Variants in KSR2 observed in about 807,000 individuals in gnomAD.
KSR2 encodes kinase suppressor of ras 2.
A neutral mutation model predicts 107.8 loss-of-function variants in KSR2; 25 were observed. The ratio of observed to expected loss-of-function variants is 0.23; its 90% CI spans 0.17 to 0.32. The LOEUF is 0.32. Ranked by LOEUF, KSR2 falls within the 10% of genes least tolerant of loss-of-function variation. The pLI is 1.00. For missense variants in KSR2, 887 were observed against 1,268.9 expected, an observed-to-expected ratio of 0.70 and a Z score of 4.57; for synonymous variants, 480 against 507.0, an observed-to-expected ratio of 0.95 and a Z score of 0.71.
At chr12:117,618,790 A>C (rs933185628) in intron 5 of KSR2, among the ~76,000 whole-genome samples, 1 of 152,146 alleles carries the variant, frequency 6.6e-6, no homozygotes, top group Non-Finnish European at 1.5e-5. Context: ...CCCCAGCCAC[A>C]TGGAACTATG....
At chr12:117,893,764 T>C (rs1340937928) in intron 1 of KSR2, among the ~76,000 whole-genome samples, 2 of 152,170 alleles carry the variant, frequency 1.3e-5, no homozygotes, top group African/African-American at 4.8e-5. Context: ...AGGCCAAGAA[T>C]ACGGTAAGGA....
chr12:117,613,677 C>T (rs1285468630), intron 5 of KSR2, among the ~76,000 whole-genome samples: 2 of 152,212 alleles, frequency 1.3e-5, no homozygotes, highest in Admixed American at 1.3e-4. Context: ...GATCCATTTT[C>T]TCTCCCTTCC....
rs1593414972 is a variant in KSR2 at position 117,968,294 on chromosome 12, A to T, written c.-39T>A. The T allele has an allele frequency of 1.3e-6, 1 of 790,298 alleles. No individual in the cohort carries two copies. The highest frequency in any genetic ancestry group is 1.7e-6 in the Non-Finnish European group (1 of 604,324). The allele number at this position is 790,298 out of a possible 1,614,324, so 49.0% of individuals were successfully genotyped here. A position where few individuals can be genotyped will look rare whatever the true frequency, so the allele number is the denominator to read the frequency against. ...ACCCCCTTCCCCTCCTCCTCCTCCCAGAGAGAAAAAAGAGGGGGGGGAGTA... is the reference window on the plus strand; with the variant it reads ...ACCCCCTTCCCCTCCTCCTCCTCCCTGAGAGAAAAAAGAGGGGGGGGAGTA... On this transcript the variant is annotated 5_prime_UTR_variant, in exon 1 of 20. Coordinates refer to ENST00000339824, the MANE Select transcript of KSR2 (RefSeq NM_173598.6).
chr12:117,892,787 CA>C (rs35897528), intron 1 of KSR2, among the ~76,000 whole-genome samples: 9,708 of 86,942 alleles, frequency 0.11, 156 homozygotes, highest in Non-Finnish European at 0.13. Context: ...GTGCTATGTG[CA>C]AAAAAAAAAA....
chr12:117,742,258 G>A (rs1367251446), intron 4 of KSR2, among the ~76,000 whole-genome samples: 5 of 152,144 alleles, frequency 3.3e-5, no homozygotes, highest in East Asian at 1.9e-4. Context: ...TGCATGATGC[G>A]GATTTTTCTT....
At chr12:117,786,100 G>A (rs948760852) in intron 3 of KSR2, among the ~76,000 whole-genome samples, 1 of 151,578 alleles carries the variant, frequency 6.6e-6, no homozygotes, top group Admixed American at 6.6e-5. Flanking sequence ...ATAGATAAAA[G>A]GACAACAACT....
At chr12:117,470,955 G>A (rs967299577) in intron 18 of KSR2, among the ~76,000 whole-genome samples, 1 of 152,198 alleles carries the variant, frequency 6.6e-6, no homozygotes, top group Non-Finnish European at 1.5e-5. Flanking sequence ...CCACAGTTAG[G>A]AAAAACCTGA....
chr12:117,675,477 C>A (rs915438739), intron 4 of KSR2, among the ~76,000 whole-genome samples: 1 of 152,344 alleles, frequency 6.6e-6, no homozygotes, highest in Non-Finnish European at 1.5e-5. Flanking sequence ...CTGACAATTT[C>A]TTTTGTCAGC....
chr12:117,794,375 T>TA (rs1890507370), intron 3 of KSR2, among the ~76,000 whole-genome samples: 1 of 14,220 alleles, frequency 7.0e-5, no homozygotes. Context: ...ACATGCACAC[T>TA]CACACCAACA....
intron 9 of KSR2, among the ~76,000 whole-genome samples, chr12:117,544,424 C>G (rs923256783): frequency 1.3e-5 from 2 of 152,034 alleles, no homozygotes; most frequent in Non-Finnish European, 2.9e-5. Context: ...TCGAGACCAG[C>G]CTGGCCAATA....
At chr12:117,561,706 C>T (rs1257171342) in intron 7 of KSR2, among the ~76,000 whole-genome samples, 1 of 152,170 alleles carries the variant, frequency 6.6e-6, no homozygotes, top group Non-Finnish European at 1.5e-5. Context: ...TAACTCTTCC[C>T]AATACGGATG....
chr12:117,639,638 T>TTATTATTAC (rs1883268123), intron 5 of KSR2, among the ~76,000 whole-genome samples: 1 of 136,396 alleles, frequency 7.3e-6, no homozygotes, highest in Non-Finnish European at 1.6e-5. Flanking sequence ...CGTATTATTA[T>TTATTATTAC]TATTATTATT....
At chr12:117,731,444 C>G (rs1378591617) in intron 4 of KSR2, among the ~76,000 whole-genome samples, 1 of 133,084 alleles carries the variant, frequency 7.5e-6, no homozygotes, top group Non-Finnish European at 1.6e-5. Flanking sequence ...CAGCCACCGC[C>G]CCGTCCGGGA....
At chr12:117,813,092 T>C (rs760533302) in intron 3 of KSR2, among the ~76,000 whole-genome samples, 46 of 151,938 alleles carry the variant, frequency 3.0e-4, no homozygotes, top group Admixed American at 1.8e-3. Flanking sequence ...TGCAAAAGAA[T>C]GAAACCAGAC....
chr12:117,807,111 G>A (rs1468761884), intron 3 of KSR2, among the ~76,000 whole-genome samples: 3 of 152,134 alleles, frequency 2.0e-5, no homozygotes, highest in Admixed American at 6.5e-5. Context: ...AAGAAGCTGC[G>A]AGCCCCTGAT....
chr12:117,589,845 G>A (rs1316722306), intron 5 of KSR2, among the ~76,000 whole-genome samples: 1 of 152,168 alleles, frequency 6.6e-6, no homozygotes, highest in African/African-American at 2.4e-5. Flanking sequence ...CATGGAGTTG[G>A]ACATAATTTT....
chr12:117,829,444 G>C (rs1284702171), intron 3 of KSR2, among the ~76,000 whole-genome samples: 1 of 152,172 alleles, frequency 6.6e-6, no homozygotes, highest in Non-Finnish European at 1.5e-5. Flanking sequence ...ATTGCATCAT[G>C]ACAATACCTT....
At chr12:117,774,011 G>A (rs1889597990) in intron 3 of KSR2, among the ~76,000 whole-genome samples, 1 of 152,154 alleles carries the variant, frequency 6.6e-6, no homozygotes, top group South Asian at 2.1e-4. Context: ...AGACTGAGTT[G>A]CCCTAGGTTA....
intron 1 of KSR2, among the ~76,000 whole-genome samples, chr12:117,964,184 A>C (rs1566102867): frequency 6.6e-6 from 1 of 152,122 alleles, no homozygotes; most frequent in Non-Finnish European, 1.5e-5. Flanking sequence ...AGGCTGAGGC[A>C]AGAGAATCAC....
Sources: gnomAD v4.1 joint callset for allele counts (sites outside exome capture counted in the v4.1 genomes callset) on GRCh38, gnomAD v4.1.1 for gene constraint, MANE v1.5 for transcripts, NCBI Gene and HGNC (gene_info 2026-07-23, HGNC 2026-07-21) for gene names.